SMYD3: variants seen among roughly 807,000 people sequenced by gnomAD.
SMYD3 encodes the protein SET and MYND domain containing 3.
Under a neutral mutation model 57.7 loss-of-function variants are expected in SMYD3, and 36 were observed. The observed-to-expected ratio is 0.62, with a 90% confidence interval of 0.48 to 0.82. The LOEUF (loss-of-function observed/expected upper bound fraction) is 0.82, where lower values mean the gene tolerates loss of function less well. Among genes scored for constraint, SMYD3 ranks in the 40% least tolerant of loss-of-function variants. The pLI, the probability that SMYD3 is intolerant of heterozygous loss-of-function variation, is 0.00. For missense variants in SMYD3, 515 were observed against 538.8 expected, an observed-to-expected ratio of 0.96 and a Z score of 0.44; for synonymous variants, 211 against 195.0, an observed-to-expected ratio of 1.08 and a Z score of -0.68.
intron 5 of SMYD3, among the ~76,000 whole-genome samples, chr1:246,117,395 T>C (rs1558243504): frequency 6.6e-6 from 1 of 152,136 alleles, no homozygotes; most frequent in Non-Finnish European, 1.5e-5. Flanking sequence ...CAAAACACAG[T>C]AGGCAGGCAA....
intron 5 of SMYD3, among the ~76,000 whole-genome samples, chr1:246,102,193 T>G (rs2061027729): frequency 6.6e-6 from 1 of 152,174 alleles, no homozygotes; most frequent in Admixed American, 6.5e-5. Flanking sequence ...CACCTCGAAC[T>G]CCTTGCCTCT....
At chr1:245,850,295 T>C (rs1005584718) in intron 10 of SMYD3, among the ~76,000 whole-genome samples, 2 of 152,210 alleles carry the variant, frequency 1.3e-5, no homozygotes, top group African/African-American at 4.8e-5. Context: ...TAACTGTGTA[T>C]AAAGAACCCG....
At chr1:246,243,697 A>G (rs2063655174) in intron 5 of SMYD3, among the ~76,000 whole-genome samples, 1 of 151,992 alleles carries the variant, frequency 6.6e-6, no homozygotes, top group African/African-American at 2.4e-5. Flanking sequence ...TGGCCCATAT[A>G]TCAAATGTTT....
chr1:245,850,048 A>G (rs1307455417), intron 10 of SMYD3, among the ~76,000 whole-genome samples: 3 of 151,958 alleles, frequency 2.0e-5, no homozygotes, highest in African/African-American at 7.3e-5. Flanking sequence ...ATTATGTATA[A>G]CTTGGGGTTT....
intron 5 of SMYD3, among the ~76,000 whole-genome samples, chr1:246,032,963 C>T (rs745691994): frequency 6.6e-6 from 1 of 152,152 alleles, no homozygotes; most frequent in Non-Finnish European, 1.5e-5. Flanking sequence ...GAATGATAAT[C>T]ATGAATGCTT....
intron 1 of SMYD3, among the ~76,000 whole-genome samples, chr1:246,459,918 CAAAAAA>C (rs35958617): frequency 3.7e-4 from 33 of 88,932 alleles, no homozygotes; most frequent in South Asian, 4.9e-4. Context: ...TTCCGCCACC[CAAAAAA>C]AAAAAAAAAA....
intron 1 of SMYD3, among the ~76,000 whole-genome samples, chr1:246,456,284 G>A (rs74151972): frequency 3.9e-5 from 6 of 152,224 alleles, no homozygotes; most frequent in East Asian, 1.9e-4. Flanking sequence ...TACCTCAGTC[G>A]ATTTTAAGAC....
At chr1:245,876,853 G>C (rs1363533894) in intron 8 of SMYD3, among the ~76,000 whole-genome samples, 1 of 152,168 alleles carries the variant, frequency 6.6e-6, no homozygotes, top group African/African-American at 2.4e-5. Flanking sequence ...TGGGAGCATA[G>C]AGGCAGAGCC....
intron 10 of SMYD3, among the ~76,000 whole-genome samples, chr1:245,839,132 T>C (rs946660974): frequency 6.6e-6 from 1 of 152,228 alleles, no homozygotes; most frequent in South Asian, 2.1e-4. Context: ...CACTCTCATT[T>C]TGAAACCCTC....
intron 5 of SMYD3, among the ~76,000 whole-genome samples, chr1:246,142,622 G>A (rs2061775664): frequency 1.3e-5 from 2 of 152,130 alleles, no homozygotes; most frequent in South Asian, 4.1e-4. Context: ...CGGGGGATAC[G>A]GGATTCCATC....
At chr1:246,489,087 C>A (rs2068230983) in intron 1 of SMYD3, among the ~76,000 whole-genome samples, 1 of 152,146 alleles carries the variant, frequency 6.6e-6, no homozygotes, top group South Asian at 2.1e-4. Flanking sequence ...TGGTTCACAC[C>A]TGTAATCCCA....
chr1:245,979,994 G>A (rs181568421), intron 5 of SMYD3, among the ~76,000 whole-genome samples: 4 of 152,320 alleles, frequency 2.6e-5, no homozygotes, highest in Non-Finnish European at 5.9e-5. Context: ...GACATCGCAC[G>A]CTAGCCCTGC....
intron 5 of SMYD3, among the ~76,000 whole-genome samples, chr1:246,284,439 C>T (rs1178768301): frequency 6.1e-5 from 9 of 147,146 alleles, no homozygotes; most frequent in South Asian, 2.1e-4. Context: ...TTTTTTGAGA[C>T]GGAGTCTCAC....
chr1:246,082,088 A>T (rs1031474839), intron 5 of SMYD3, among the ~76,000 whole-genome samples: 2 of 152,150 alleles, frequency 1.3e-5, no homozygotes, highest in Non-Finnish European at 2.9e-5. Flanking sequence ...GGCACAGGCC[A>T]AGCTAACCAT....
At chr1:246,086,832 G>T (rs1344547287) in intron 5 of SMYD3, among the ~76,000 whole-genome samples, 1 of 151,758 alleles carries the variant, frequency 6.6e-6, no homozygotes, top group Non-Finnish European at 1.5e-5. Context: ...CCATCACCTA[G>T]GTATTAAGCC....
chr1:246,475,588 T>A (rs1337617024), intron 1 of SMYD3, among the ~76,000 whole-genome samples: 1 of 151,462 alleles, frequency 6.6e-6, no homozygotes, highest in East Asian at 2.0e-4. Flanking sequence ...AGAGGTTGCA[T>A]TGAGTCGAGA....
intron 5 of SMYD3, among the ~76,000 whole-genome samples, chr1:246,276,474 G>A (rs548273385): frequency 2.0e-4 from 30 of 148,392 alleles, no homozygotes; most frequent in South Asian, 6.4e-4. Context: ...GTTATTTAAT[G>A]TCTGTAGTGG....
chr1:245,874,415 A>G (rs778156188), intron 8 of SMYD3, among the ~76,000 whole-genome samples: 12 of 152,342 alleles, frequency 7.9e-5, no homozygotes, highest in South Asian at 6.2e-4. Flanking sequence ...ACAGCTTCAC[A>G]TAACAAGTCC....
In SMYD3 at chr1:246,284,420, C is replaced by CTTTT. The variant is rs11354241; in HGVS notation, c.531+42777_531+42780dup. Among the ~76,000 whole-genome samples the CTTTT allele has an allele frequency of 1.4e-3, 192 of 141,352 alleles. 1 individual carries two copies. Among genetic ancestry groups the CTTTT allele is most frequent in the Middle Eastern group, 3.7e-3 (1 of 272 alleles). The allele number at this position is 141,352 out of a possible 152,430, so 92.7% of individuals were successfully genotyped here. ...TGAGGTTTCTAATTCTTTTCTTTTT[C>CTTTT]TTTTTTTTTTTTTTGAGACGGAGTC... On this transcript the variant is annotated intron_variant, in intron 5 of 11. Coordinates refer to ENST00000490107, the MANE Select transcript of SMYD3 (RefSeq NM_001167740.2).
Sources: allele counts gnomAD v4.1 joint callset (sites outside exome capture counted in the v4.1 genomes callset), GRCh38; gene constraint gnomAD v4.1.1; transcripts MANE v1.5; gene names NCBI Gene and HGNC (gene_info 2026-07-23, HGNC 2026-07-21).